The following KCNAB1 variants were observed in gnomAD, a reference collection of about 807,000 sequenced individuals.
The protein encoded by KCNAB1 is potassium voltage-gated channel subfamily A regulatory beta subunit 1, also known as voltage-gated potassium channel subunit beta-1.
A neutral mutation model predicts 64.6 loss-of-function variants in KCNAB1; 35 were observed. The observed-to-expected ratio is 0.54, with a 90% CI of 0.41 to 0.72. The LOEUF (loss-of-function observed/expected upper bound fraction) is 0.72, where lower values mean the gene tolerates loss of function less well. Ranked by LOEUF, KCNAB1 falls within the 30% of genes least tolerant of loss-of-function variation. The probability of loss-of-function intolerance (pLI) is 0.00; values close to 1 mark genes in which losing one functional copy is unlikely to be tolerated. For missense variants in KCNAB1, 401 were observed against 512.9 expected (o/e 0.78, Z 2.11); for synonymous variants, 177 against 183.8 (o/e 0.96, Z 0.30).
intron 1 of KCNAB1, among the ~76,000 whole-genome samples, chr3:156,255,369 G>A (rs564488738): frequency 1.3e-5 from 2 of 152,206 alleles, no homozygotes; most frequent in South Asian, 4.1e-4. Flanking sequence ...GACTCAAGGC[G>A]TAAGATAGAA....
intron 1 of KCNAB1, among the ~76,000 whole-genome samples, chr3:156,308,528 G>C (rs1440445147): frequency 1.3e-5 from 2 of 152,220 alleles, no homozygotes; most frequent in Non-Finnish European, 2.9e-5. Flanking sequence ...GATGGAAACA[G>C]TGAGAAGCTG....
intron 1 of KCNAB1, among the ~76,000 whole-genome samples, chr3:156,311,895 G>T (rs1029852536): frequency 5.9e-5 from 9 of 152,250 alleles, no homozygotes; most frequent in Non-Finnish European, 1.3e-4. Context: ...GTATTTAAAG[G>T]GTTCACTGGG....
chr3:156,164,072 C>T (rs778326403), intron 1 of KCNAB1, among the ~76,000 whole-genome samples: 16 of 152,262 alleles, frequency 1.1e-4, no homozygotes, highest in Non-Finnish European at 1.6e-4. Flanking sequence ...AACCCACTGG[C>T]GACAGGGAGT....
At chr3:156,208,236 C>G (rs149654279) in intron 1 of KCNAB1, among the ~76,000 whole-genome samples, 1 of 152,118 alleles carries the variant, frequency 6.6e-6, no homozygotes, top group East Asian at 1.9e-4. Flanking sequence ...TGAAGGTTGC[C>G]GCTGCTCCTA....
At chr3:156,488,437 C>T (rs1440587713) in intron 8 of KCNAB1, among the ~76,000 whole-genome samples, 1 of 152,044 alleles carries the variant, frequency 6.6e-6, no homozygotes, top group Admixed American at 6.6e-5. Flanking sequence ...AAGGAGACTA[C>T]TTCTGGCTGT....
At chr3:156,350,729 A>C (rs964581650) in intron 1 of KCNAB1, among the ~76,000 whole-genome samples, 13 of 152,268 alleles carry the variant, frequency 8.5e-5, no homozygotes. Context: ...ACATGACTCC[A>C]TGAAAATGTG....
chr3:156,285,687 G>C (rs1410327200), intron 1 of KCNAB1, among the ~76,000 whole-genome samples: 1 of 152,096 alleles, frequency 6.6e-6, no homozygotes, highest in African/African-American at 2.4e-5. Flanking sequence ...TTTTTTGATA[G>C]AGACAGGGTT....
At chr3:156,140,582 T>C (rs762775366) in intron 1 of KCNAB1, among the ~76,000 whole-genome samples, 5 of 152,274 alleles carry the variant, frequency 3.3e-5, no homozygotes, top group Admixed American at 1.3e-4. Context: ...TATATCCTAA[T>C]ATCATCACAC....
At chr3:156,522,734 C>T (rs1718036776) in intron 11 of KCNAB1, among the ~76,000 whole-genome samples, 1 of 152,216 alleles carries the variant, frequency 6.6e-6, no homozygotes, top group Admixed American at 6.5e-5. Context: ...CAAAAGCCAG[C>T]AGCCTATTGA....
chr3:156,390,836 C>T (rs188524732), intron 1 of KCNAB1, among the ~76,000 whole-genome samples: 140 of 152,254 alleles, frequency 9.2e-4, no homozygotes, highest in African/African-American at 3.2e-3. Context: ...CCACCTGCCT[C>T]GGCCTCCCAA....
intron 1 of KCNAB1, chr3:156,176,848 G>GC: frequency 9.3e-7 from 1 of 1,076,800 alleles, no homozygotes; most frequent in Non-Finnish European, 1.4e-6. Flanking sequence ...AGCAACTCAT[G>GC]CCGCTGCCGC....
intron 5 of KCNAB1, among the ~76,000 whole-genome samples, chr3:156,462,017 C>G (rs1472241420): frequency 6.6e-6 from 1 of 152,242 alleles, no homozygotes; most frequent in African/African-American, 2.4e-5. Flanking sequence ...CTCTCTGATT[C>G]TCAATTTACC....
At chr3:156,344,400 G>A (rs1724340873) in intron 1 of KCNAB1, among the ~76,000 whole-genome samples, 1 of 152,162 alleles carries the variant, frequency 6.6e-6, no homozygotes, top group Admixed American at 6.6e-5. Flanking sequence ...GCTGCTGACT[G>A]CCTACCCCTC....
At chr3:156,463,790 T>C (rs1713127424) in intron 6 of KCNAB1, 44 bp downstream of exon 6, 1 of 1,459,186 alleles carries the variant, frequency 6.9e-7, no homozygotes, top group African/African-American at 1.4e-5. Context: ...TAGTAGTTCA[T>C]GCTTTTTTGC....
chr3:156,526,251 T>A (rs140779951), intron 12 of KCNAB1, among the ~76,000 whole-genome samples: 1 of 152,306 alleles, frequency 6.6e-6, no homozygotes, highest in East Asian at 1.9e-4. Flanking sequence ...AAGTACCCTA[T>A]GATGTTCACA....
chr3:156,364,792 A>AAAAC (rs998661392), intron 1 of KCNAB1, among the ~76,000 whole-genome samples: 1 of 152,150 alleles, frequency 6.6e-6, no homozygotes, highest in African/African-American at 2.4e-5. Context: ...AAACAACAAA[A>AAAAC]AAACAAACAA....
At chr3:156,170,220 C>T (rs943290313) in intron 1 of KCNAB1, among the ~76,000 whole-genome samples, 3 of 145,640 alleles carry the variant, frequency 2.1e-5, no homozygotes, top group Non-Finnish European at 3.0e-5. Context: ...CCCAAGGAAT[C>T]GTTTTTTTTT....
At chr3:156,489,479 A>T (rs1270789330) in intron 8 of KCNAB1, among the ~76,000 whole-genome samples, 2 of 152,152 alleles carry the variant, frequency 1.3e-5, no homozygotes, top group Non-Finnish European at 2.9e-5. Flanking sequence ...GGTGTTAACA[A>T]TGTGGAAATC....
intron 1 of KCNAB1, among the ~76,000 whole-genome samples, chr3:156,210,974 A>G (rs1278434202): frequency 1.3e-5 from 2 of 152,192 alleles, no homozygotes; most frequent in Non-Finnish European, 2.9e-5. Context: ...GCCAAATGCA[A>G]TGTGGAGGTT....
Sources: allele counts gnomAD v4.1 joint callset (sites outside exome capture counted in the v4.1 genomes callset), GRCh38; gene constraint gnomAD v4.1.1; transcripts MANE v1.5; gene names NCBI Gene and HGNC (gene_info 2026-07-23, HGNC 2026-07-21).